Variants in DTNA observed in about 807,000 individuals in gnomAD.
DTNA encodes the protein dystrobrevin alpha.
A neutral mutation model predicts 100.7 loss-of-function variants in DTNA; 43 were observed. That is an observed-to-expected ratio of 0.43 (90% CI 0.33 to 0.55). The LOEUF (loss-of-function observed/expected upper bound fraction) is 0.55, where lower values mean the gene tolerates loss of function less well. Among genes scored for constraint, DTNA ranks in the 20% least tolerant of loss-of-function variants. The pLI is 0.04. For missense variants in DTNA, 798 were observed against 953.9 expected (o/e 0.84, Z 2.15); for synonymous variants, 349 against 347.9 (o/e 1.00, Z -0.04).
At chr18:34,585,764 A>G (rs1274610915) in intron 1 of DTNA, among the ~76,000 whole-genome samples, 1 of 152,206 alleles carries the variant, frequency 6.6e-6, no homozygotes, top group African/African-American at 2.4e-5. Context: ...GGAATATGGA[A>G]TCATCATCAT....
intron 9 of DTNA, chr18:34,821,379 A>T: frequency 2.2e-6 from 1 of 450,214 alleles, no homozygotes; most frequent in Non-Finnish European, 4.5e-6. Flanking sequence ...AAGCTGTATA[A>T]CTTTAGAAGA....
chr18:34,747,473 G>C (rs2091783460), intron 1 of DTNA, among the ~76,000 whole-genome samples: 1 of 152,010 alleles, frequency 6.6e-6, no homozygotes, highest in Non-Finnish European at 1.5e-5. Flanking sequence ...CCAATATGTA[G>C]TCATTTATCC....
intron 1 of DTNA, among the ~76,000 whole-genome samples, chr18:34,540,293 A>T (rs968370934): frequency 3.3e-5 from 5 of 152,046 alleles, no homozygotes; most frequent in Non-Finnish European, 7.4e-5. Context: ...TGTGGAAAGG[A>T]AAGAATAGAA....
At chr18:34,650,059 A>T (rs1281880233) in intron 1 of DTNA, among the ~76,000 whole-genome samples, 2 of 152,156 alleles carry the variant, frequency 1.3e-5, no homozygotes, top group Non-Finnish European at 2.9e-5. Context: ...GAAAAAAAAA[A>T]ACTGAAGTCT....
intron 13 of DTNA, among the ~76,000 whole-genome samples, chr18:34,844,583 C>T (rs2096341092): frequency 6.6e-6 from 1 of 152,118 alleles, no homozygotes; most frequent in African/African-American, 2.4e-5. Context: ...AAGAGTAGTA[C>T]ATGAAACTCG....
chr18:34,678,991 A>G (rs2077731614), intron 1 of DTNA, among the ~76,000 whole-genome samples: 1 of 152,186 alleles, frequency 6.6e-6, no homozygotes, highest in African/African-American at 2.4e-5. Flanking sequence ...CTCAAGCTCA[A>G]TCCATCAGAG....
At chr18:34,848,749 G>T (rs1483890588) in intron 14 of DTNA, among the ~76,000 whole-genome samples, 2 of 152,078 alleles carry the variant, frequency 1.3e-5, no homozygotes, top group Non-Finnish European at 1.5e-5. Flanking sequence ...CAGAGTAGTT[G>T]CAAGTGACAC....
intron 1 of DTNA, among the ~76,000 whole-genome samples, chr18:34,600,446 G>A (rs965624840): frequency 6.6e-6 from 1 of 152,130 alleles, no homozygotes; most frequent in East Asian, 1.9e-4. Flanking sequence ...CCTATATAGT[G>A]TGATAGTTCA....
intron 3 of DTNA, among the ~76,000 whole-genome samples, chr18:34,785,966 G>A (rs772063197): frequency 5.9e-5 from 9 of 152,184 alleles, no homozygotes; most frequent in Non-Finnish European, 1.3e-4. Flanking sequence ...GCAGCTTAGG[G>A]TAATGAGTCT....
chr18:34,770,700 A>G (rs747646580), intron 3 of DTNA, among the ~76,000 whole-genome samples: 1 of 152,148 alleles, frequency 6.6e-6, no homozygotes, highest in Non-Finnish European at 1.5e-5. Context: ...TTATAGATGA[A>G]TATTTGTAAT....
At chr18:34,578,449 C>A (rs1267964550) in intron 1 of DTNA, among the ~76,000 whole-genome samples, 2 of 147,416 alleles carry the variant, frequency 1.4e-5, no homozygotes, top group Non-Finnish European at 3.0e-5. Flanking sequence ...GTTCCTTTTG[C>A]CATGCAAAAG....
At chr18:34,699,505 C>A (rs1285964526) in intron 1 of DTNA, among the ~76,000 whole-genome samples, 2 of 152,204 alleles carry the variant, frequency 1.3e-5, no homozygotes, top group Non-Finnish European at 2.9e-5. Flanking sequence ...CTTGCAAATA[C>A]ACCCAGAATA....
At chr18:34,744,940 C>CCTTA (rs149679387) in intron 1 of DTNA, among the ~76,000 whole-genome samples, 11,265 of 152,066 alleles carry the variant, frequency 0.074, 475 homozygotes, top group African/African-American at 0.09. Flanking sequence ...TAGTCTTAAA[C>CCTTA]CTTACATTGT....
At chr18:34,659,194 T>C (rs972413739) in intron 1 of DTNA, among the ~76,000 whole-genome samples, 3 of 152,180 alleles carry the variant, frequency 2.0e-5, no homozygotes, top group African/African-American at 4.8e-5. Flanking sequence ...AAGCCACATA[T>C]GTAATTATAA....
chr18:34,688,152 A>T (rs964667979), intron 1 of DTNA, among the ~76,000 whole-genome samples: 1 of 152,238 alleles, frequency 6.6e-6, no homozygotes, highest in East Asian at 1.9e-4. Flanking sequence ...TTTAAGGTTA[A>T]TATTGTTATG....
At chr18:34,592,485 C>CA (rs2049844327) in intron 1 of DTNA, among the ~76,000 whole-genome samples, 1 of 151,106 alleles carries the variant, frequency 6.6e-6, no homozygotes, top group East Asian at 1.9e-4. Context: ...CACACACACA[C>CA]ACACACACAC....
At chr18:34,672,594 C>A (rs2076902390) in intron 1 of DTNA, among the ~76,000 whole-genome samples, 1 of 152,168 alleles carries the variant, frequency 6.6e-6, no homozygotes, top group Admixed American at 6.5e-5. Context: ...AAGGAGCGTT[C>A]AGCCACTACT....
At chr18:34,642,515 T>G (rs927302134) in intron 1 of DTNA, among the ~76,000 whole-genome samples, 1 of 151,778 alleles carries the variant, frequency 6.6e-6, no homozygotes, top group Non-Finnish European at 1.5e-5. Flanking sequence ...CTTTCTTTCT[T>G]TCCTTCTTTC....
At chr18:34,496,818 G>A (rs978556289) in intron 1 of DTNA, among the ~76,000 whole-genome samples, 25 of 152,214 alleles carry the variant, frequency 1.6e-4, no homozygotes, top group Admixed American at 5.2e-4. Context: ...TATTTGTGCA[G>A]GAATGACACG....
Sources: gnomAD v4.1 joint callset for allele counts (sites outside exome capture counted in the v4.1 genomes callset) on GRCh38, gnomAD v4.1.1 for gene constraint, MANE v1.5 for transcripts, NCBI Gene and HGNC (gene_info 2026-07-23, HGNC 2026-07-21) for gene names.